Variants in KMT2C observed in about 807,000 individuals in gnomAD.
KMT2C encodes lysine methyltransferase 2C.
Under a neutral mutation model 507.9 loss-of-function variants are expected in KMT2C, and 88 were observed. That is an observed-to-expected ratio of 0.17 (90% CI 0.15 to 0.21). The LOEUF is 0.21. KMT2C is among the 10% of genes least tolerant of loss of function. KMT2C has a pLI of 1.00. For missense variants in KMT2C, 4,954 were observed against 5,957.8 expected, an observed-to-expected ratio of 0.83 and a Z score of 5.55; for synonymous variants, 2,049 against 2,080.8, an observed-to-expected ratio of 0.98 and a Z score of 0.42.
chr7:152,199,199 A>G, intron 27 of KMT2C, 80 bp downstream of exon 27: 1 of 1,212,896 alleles, frequency 8.2e-7, no homozygotes, highest in Non-Finnish European at 1.1e-6. Flanking sequence ...GCCAAACAAA[A>G]ACATTTCAAA....
chr7:152,367,344 C>A, intron 1 of KMT2C: 1 of 817,620 alleles, frequency 1.2e-6, no homozygotes, highest in Non-Finnish European at 2.1e-6. Context: ...AGCCCTGAAG[C>A]AGACACCCCA....
At chr7:152,243,593 C>T (rs1429511533) in intron 14 of KMT2C, among the ~76,000 whole-genome samples, 1 of 152,058 alleles carries the variant, frequency 6.6e-6, no homozygotes, top group African/African-American at 2.4e-5. Flanking sequence ...ACCAGCCTAA[C>T]CAATATGGCG....
chr7:152,400,426 A>T (rs375936308), intron 1 of KMT2C, among the ~76,000 whole-genome samples: 2 of 152,224 alleles, frequency 1.3e-5, no homozygotes, highest in East Asian at 1.9e-4. Flanking sequence ...GACATCTTTG[A>T]GAAATTTCAG....
chr7:152,296,646 T>C (rs1171508836), intron 6 of KMT2C, among the ~76,000 whole-genome samples: 4 of 152,092 alleles, frequency 2.6e-5, no homozygotes, highest in South Asian at 2.1e-4. Context: ...CAATATGTTC[T>C]GGATGCACCA....
At chr7:152,310,494 G>T (rs994559286) in intron 5 of KMT2C, among the ~76,000 whole-genome samples, 2 of 152,128 alleles carry the variant, frequency 1.3e-5, no homozygotes, top group Non-Finnish European at 2.9e-5. Flanking sequence ...GAACCCAGGG[G>T]ACAGAGGTTG....
chr7:152,167,020 T>C (rs779426879), intron 42 of KMT2C, 126 bp downstream of exon 42: 31 of 710,380 alleles, frequency 4.4e-5, no homozygotes, highest in Non-Finnish European at 7.0e-5. Context: ...TTTTTGGCAA[T>C]GTACTTTTAA....
At position 152,388,668 on chromosome 7, in the gene KMT2C, A is replaced by G. The variant is rs528548856; in HGVS notation, c.162-29993T>C. On this transcript the variant is annotated intron_variant, in intron 1 of 58. Coordinates refer to ENST00000262189, the MANE Select transcript of KMT2C (RefSeq NM_170606.3). ...TAACCTGAAGAATACCTGGGATTGT[A>G]TGGCGAAAAAACACAATATATTAAA... is the stretch of plus-strand genomic sequence containing the variant. 3.2e-3 allele frequency among the ~76,000 whole-genome samples: 484 copies of G among 152,102 alleles called. No homozygotes were observed. The East Asian group carries it at 0.062, about 20-fold the overall frequency.
intron 6 of KMT2C, among the ~76,000 whole-genome samples, chr7:152,297,635 G>C (rs1303673372): frequency 1.3e-5 from 2 of 152,148 alleles, no homozygotes; most frequent in Non-Finnish European, 2.9e-5. Context: ...CCTGGACTAA[G>C]CACTCCTTCA....
chr7:152,365,133 A>T (rs1343458970), intron 1 of KMT2C, among the ~76,000 whole-genome samples: 2 of 152,240 alleles, frequency 1.3e-5, no homozygotes. Flanking sequence ...AGTAAAAAAC[A>T]TATTTAAAGT....
At chr7:152,421,665 T>G (rs2097778024) in intron 1 of KMT2C, among the ~76,000 whole-genome samples, 1 of 152,188 alleles carries the variant, frequency 6.6e-6, no homozygotes, top group Non-Finnish European at 1.5e-5. Context: ...GTGTTCTAAC[T>G]TCCAAGTGGG....
chr7:152,213,592 A>G (rs1436113255), intron 23 of KMT2C, among the ~76,000 whole-genome samples: 2 of 152,138 alleles, frequency 1.3e-5, no homozygotes, highest in African/African-American at 4.8e-5. Context: ...AATACCTAAC[A>G]CCTGAAACCA....
chr7:152,367,311 G>A, intron 1 of KMT2C: 1 of 1,010,636 alleles, frequency 9.9e-7, no homozygotes, highest in Non-Finnish European at 1.5e-6. Flanking sequence ...AGCTGGAGGA[G>A]CCCTGACCTG....
chr7:152,184,492 T>C (rs1000959973), intron 34 of KMT2C, among the ~76,000 whole-genome samples: 16 of 152,210 alleles, frequency 1.1e-4, no homozygotes, highest in Admixed American at 9.8e-4. Flanking sequence ...TAATAGTTCA[T>C]GGCAAAGATC....
Position 152,177,279 on chromosome 7 carries a change from T to G in KMT2C, c.8174A>C (p.Glu2725Ala). The stretch of plus-strand genomic sequence containing the variant: ...ATCCAATTCAACTACCTTGCCATCC[T>G]CTGTATCTAAATTTAAGTTTTCAAG... ...EDLENLNLDT[E>A]DGKVVELDTL... is the part of the protein sequence containing the mutation. The change falls in exon 38 of 59, where the codon GAG becomes GCG. Residue 2725 changes from glutamate (E) to alanine (A), a missense_variant. Glu to Ala is a moderately radical substitution (Grantham distance 107, BLOSUM62 -1). This residue lies in a region of KMT2C where 1,689 missense variants were observed against 1,654.3 expected (regional missense o/e 1.02). Coordinates refer to ENST00000262189, the MANE Select transcript of KMT2C (RefSeq NM_170606.3). 1 of 1,613,968 alleles carries G rather than the reference T, an allele frequency of 6.2e-7. No homozygotes were observed. Among genetic ancestry groups the G allele is most frequent in the Non-Finnish European group, 8.5e-7 (1 of 1,180,018 alleles).
intron 2 of KMT2C, among the ~76,000 whole-genome samples, chr7:152,341,593 T>C (rs756933642): frequency 5.3e-5 from 8 of 152,136 alleles, no homozygotes; most frequent in Admixed American, 2.0e-4. Context: ...TTCCACCACA[T>C]ATCCAGAAGG....
intron 7 of KMT2C, among the ~76,000 whole-genome samples, chr7:152,272,110 CT>C (rs2095987537): frequency 2.0e-5 from 3 of 152,016 alleles, no homozygotes; most frequent in Admixed American, 6.6e-5. Flanking sequence ...CTCCATAAGT[CT>C]ATTTTGGAAA....
chr7:152,391,899 T>C (rs1394639154), intron 1 of KMT2C, among the ~76,000 whole-genome samples: 1 of 152,120 alleles, frequency 6.6e-6, no homozygotes, highest in Non-Finnish European at 1.5e-5. Context: ...GAGTCTCAGA[T>C]CTGGAAAAAT....
At position 152,177,910 on chromosome 7, in the gene KMT2C, T is replaced by C. The variant is rs1396040686; in HGVS notation, c.7543A>G (p.Arg2515Gly). The C allele has an allele frequency of 6.2e-7, 1 of 1,612,178 alleles. No individual in the cohort carries two copies. The highest frequency in any genetic ancestry group is 1.1e-5 in the South Asian group (1 of 91,046). The change falls in exon 38 of 59, where the codon AGA (arginine) becomes GGA (glycine). Residue 2515 changes from arginine (R) to glycine (G), a missense_variant. By Grantham distance (125) the Arg-to-Gly change is moderately radical (BLOSUM62 -2). Transcript: ENST00000262189. The part of the protein sequence containing the change: ...IQGSGVSPQL[R>G]RSVSVDMPRP... ...GGCATATCTACAGATACTGATCTTC[T>C]TAGCTGTGGAGAAACTCCAGATCCC...
chr7:152,355,570 C>CA (rs796323234), intron 2 of KMT2C, among the ~76,000 whole-genome samples: 16 of 150,042 alleles, frequency 1.1e-4, no homozygotes, highest in African/African-American at 2.4e-4. Context: ...AACAAACAAA[C>CA]AAAAAAAAAC....
Sources: gnomAD v4.1 joint callset for allele counts (sites outside exome capture counted in the v4.1 genomes callset) on GRCh38, gnomAD v4.1.1 for gene constraint, gnomAD v4.1.1 regional missense constraint, MANE v1.5 for transcripts, NCBI Gene and HGNC (gene_info 2026-07-23, HGNC 2026-07-21) for gene names.